The following ALDH1A2 variants were observed in gnomAD, a reference collection of about 807,000 sequenced individuals.
The protein encoded by ALDH1A2 is retinal dehydrogenase 2.
In ALDH1A2, 27 loss-of-function variants were observed where a neutral mutation model predicts 60.3. That is an observed-to-expected ratio of 0.45 (90% CI 0.33 to 0.62). ALDH1A2 has a LOEUF of 0.62. Among genes scored for constraint, ALDH1A2 ranks in the 20% least tolerant of loss-of-function variants. The pLI is 0.02. For missense variants in ALDH1A2, 581 were observed against 643.8 expected (o/e 0.90, Z 1.06); for synonymous variants, 289 against 232.4 (o/e 1.24, Z -2.21).
intron 1 of ALDH1A2, among the ~76,000 whole-genome samples, chr15:58,043,961 A>G (rs1158185694): frequency 6.6e-6 from 1 of 151,996 alleles, no homozygotes; most frequent in East Asian, 1.9e-4. Context: ...AAACTTGTCA[A>G]AAGAAGTCCA....
chr15:58,023,247 G>A (rs369323927), intron 1 of ALDH1A2, among the ~76,000 whole-genome samples: 3 of 152,086 alleles, frequency 2.0e-5, no homozygotes, highest in Non-Finnish European at 4.4e-5. Flanking sequence ...TAATCTTCAA[G>A]ACAGGTCTTT....
chr15:57,987,535 CA>C (rs1160412781), intron 7 of ALDH1A2, among the ~76,000 whole-genome samples: 1 of 151,952 alleles, frequency 6.6e-6, no homozygotes, highest in Non-Finnish European at 1.5e-5. Context: ...TAAAATAAAA[CA>C]CAAACTGTCA....
chr15:57,980,967 C>G (rs1337585190), intron 7 of ALDH1A2, among the ~76,000 whole-genome samples: 1 of 152,128 alleles, frequency 6.6e-6, no homozygotes, highest in Non-Finnish European at 1.5e-5. Context: ...ATTTCAGAGC[C>G]TATTGTTGGT....
intron 1 of ALDH1A2, among the ~76,000 whole-genome samples, chr15:58,021,571 G>C (rs1255401611): frequency 2.0e-5 from 3 of 152,208 alleles, no homozygotes; most frequent in African/African-American, 7.2e-5. Flanking sequence ...AAGAGACCAT[G>C]AAATGGAACT....
chr15:58,064,171 T>A (rs528144212), intron 1 of ALDH1A2, among the ~76,000 whole-genome samples: 2 of 152,068 alleles, frequency 1.3e-5, no homozygotes, highest in Non-Finnish European at 2.9e-5. Flanking sequence ...AAATAAAACT[T>A]CTAAGCTGCA....
Position 58,050,051 on chromosome 15 carries a change from T to G in ALDH1A2, c.117+15483A>C, listed in dbSNP as rs1212547186. Among the ~76,000 whole-genome samples, 3 of 151,968 alleles carry G rather than the reference T, an allele frequency of 2.0e-5. No individual in the cohort carries two copies. The East Asian group carries it at 5.8e-4, about 29-fold the overall frequency. On this transcript the variant is annotated intron_variant, in intron 1 of 12. Coordinates refer to ENST00000249750, the MANE Select transcript of ALDH1A2 (RefSeq NM_003888.4). ...GTGTTTATTTTCAAAGCCACGGGGGTCCCCATTTGAAAAAGCACCCAGCTT... is the reference window on the plus strand; with the variant it reads ...GTGTTTATTTTCAAAGCCACGGGGGGCCCCATTTGAAAAAGCACCCAGCTT...
At chr15:58,059,007 C>T (rs774592993) in intron 1 of ALDH1A2, among the ~76,000 whole-genome samples, 1 of 152,124 alleles carries the variant, frequency 6.6e-6, no homozygotes, top group Non-Finnish European at 1.5e-5. Context: ...GAAGTGTTTT[C>T]ATCATGTGAT....
Position 58,065,518 on chromosome 15 carries a change from C to CT in ALDH1A2, c.117+15dup. ...AGAAAGTCTCCGTGGACGACGGGCG[C>CT]TGGGCGGCCGCTTACCTTGGTGTAC... On this transcript the variant is annotated intron_variant, in intron 1 of 12. Transcript: ENST00000249750. 6.2e-7 allele frequency: 1 copy of CT among 1,600,834 alleles called. No homozygotes were observed. The highest frequency in any genetic ancestry group is 8.6e-7 in the Non-Finnish European group (1 of 1,167,950).
At chr15:58,036,723 T>A (rs770344262) in intron 1 of ALDH1A2, 1 of 151,716 alleles carries the variant, frequency 6.6e-6, no homozygotes, top group Non-Finnish European at 1.5e-5. Context: ...AATGCTTCAA[T>A]GACAAGATTA....
chr15:58,015,131 C>T (rs142920478), intron 1 of ALDH1A2, among the ~76,000 whole-genome samples: 37 of 152,238 alleles, frequency 2.4e-4, no homozygotes, highest in Admixed American at 1.4e-3. Flanking sequence ...TCTTAGAGGA[C>T]ATACGAAGAT....
chr15:57,964,135 T>TC (rs1893820372), intron 8 of ALDH1A2, 66 bp from the exon 9 acceptor site: 1 of 1,565,182 alleles, frequency 6.4e-7, no homozygotes, highest in African/African-American at 1.4e-5. Flanking sequence ...TGAAGCCGCC[T>TC]CCCTCCCCTC....
At chr15:58,041,008 T>G (rs1169539734) in intron 1 of ALDH1A2, among the ~76,000 whole-genome samples, 2 of 151,826 alleles carry the variant, frequency 1.3e-5, no homozygotes, top group Non-Finnish European at 2.9e-5. Flanking sequence ...TCCTAGATAC[T>G]AGTATGTGAA....
At chr15:58,058,701 T>C (rs1452556293) in intron 1 of ALDH1A2, among the ~76,000 whole-genome samples, 6 of 152,120 alleles carry the variant, frequency 3.9e-5, no homozygotes, top group African/African-American at 1.2e-4. Context: ...CTTTCCACAG[T>C]TGTAGTGATA....
At chr15:57,975,736 T>C (rs1277390175) in intron 7 of ALDH1A2, among the ~76,000 whole-genome samples, 1 of 151,390 alleles carries the variant, frequency 6.6e-6, no homozygotes, top group Non-Finnish European at 1.5e-5. Context: ...GACAAAAGAG[T>C]ATATACTATA....
chr15:57,957,777 C>T (rs1893577250), intron 12 of ALDH1A2, among the ~76,000 whole-genome samples: 1 of 152,176 alleles, frequency 6.6e-6, no homozygotes, highest in Admixed American at 6.5e-5. Flanking sequence ...CAGACTTGCT[C>T]ATAAAACAAG....
Position 57,953,727 on chromosome 15 carries a change from G to C in ALDH1A2, c.*1470C>G, listed in dbSNP as rs941500856. 2 of 152,286 alleles carry C rather than the reference G, an allele frequency of 1.3e-5. No homozygotes were observed. Among genetic ancestry groups the C allele is most frequent in the South Asian group, 2.1e-4 (1 of 4,826 alleles). 9.4% of individuals were successfully genotyped at this position (152,286 alleles called of 1,614,324 possible). A position where few individuals can be genotyped will look rare whatever the true frequency, so the allele number is the denominator to read the frequency against. ...AGAGTTATAAATAGAAAACTGGTAC[G>C]GTTAAGAAGCAGAAGATCGTTAAAT... On this transcript the variant is annotated 3_prime_UTR_variant, in exon 13 of 13. Coordinates refer to ENST00000249750, the MANE Select transcript of ALDH1A2 (RefSeq NM_003888.4).
intron 1 of ALDH1A2, among the ~76,000 whole-genome samples, chr15:58,037,872 TGA>T (rs1896417077): frequency 6.6e-6 from 1 of 151,742 alleles, no homozygotes; most frequent in African/African-American, 2.4e-5. Context: ...AAAAGGACTT[TGA>T]TATCAGTTGA....
intron 4 of ALDH1A2, among the ~76,000 whole-genome samples, chr15:58,005,225 C>A (rs1895409654): frequency 6.6e-6 from 1 of 152,064 alleles, no homozygotes; most frequent in South Asian, 2.1e-4. Flanking sequence ...CAGGTTATCA[C>A]TTAGACATCC....
intron 4 of ALDH1A2, among the ~76,000 whole-genome samples, chr15:57,995,498 T>A (rs759654859): frequency 1.3e-5 from 2 of 152,050 alleles, no homozygotes; most frequent in Non-Finnish European, 2.9e-5. Context: ...TTGTTTGATT[T>A]AAAAACTGAG....
Sources: allele counts gnomAD v4.1 joint callset (sites outside exome capture counted in the v4.1 genomes callset), GRCh38; gene constraint gnomAD v4.1.1; transcripts MANE v1.5; gene names NCBI Gene and HGNC (gene_info 2026-07-23, HGNC 2026-07-21).